Variants in SLC35D4 observed in about 807,000 individuals in gnomAD.
SLC35D4 encodes UDP-N-acetylglucosamine transporter SLC35D4.
the SLC35D4 span, chr18:23,399,565 C>G: frequency 5.0e-6 from 8 of 1,613,604 alleles, no homozygotes; most frequent in Non-Finnish European, 3.4e-6. Flanking sequence ...CTAATACTTA[C>G]CAGTCTGGAC....
At chr18:23,421,030 G>A in the SLC35D4 span, among the ~76,000 whole-genome samples, 1 of 151,856 alleles carries the variant, frequency 6.6e-6, no homozygotes, top group Non-Finnish European at 1.5e-5. Context: ...GATCACTTGA[G>A]GTCAGGAGTT....
the SLC35D4 span, among the ~76,000 whole-genome samples, chr18:23,265,644 C>A: frequency 2.6e-5 from 4 of 151,970 alleles, no homozygotes; most frequent in Non-Finnish European, 4.4e-5. Context: ...TCCCACCAGC[C>A]CAGACCCCTC....
the SLC35D4 span, among the ~76,000 whole-genome samples, chr18:23,254,735 C>G: frequency 1.3e-5 from 2 of 152,190 alleles, no homozygotes; most frequent in African/African-American, 4.8e-5. Context: ...AGACAAAAAG[C>G]AAGCACTCTG....
the SLC35D4 span, among the ~76,000 whole-genome samples, chr18:23,372,054 G>A: frequency 7.0e-6 from 1 of 142,536 alleles, no homozygotes; most frequent in East Asian, 2.0e-4. Context: ...TCCTGCCTCA[G>A]CCTCCCAAGT....
the SLC35D4 span, among the ~76,000 whole-genome samples, chr18:23,394,787 C>T: frequency 1.3e-5 from 2 of 151,816 alleles, no homozygotes; most frequent in African/African-American, 4.8e-5. Context: ...GCCTGACCAA[C>T]ATGGAGAAAT....
At chr18:23,363,863 T>C in the SLC35D4 span, among the ~76,000 whole-genome samples, 35 of 152,266 alleles carry the variant, frequency 2.3e-4, no homozygotes, top group East Asian at 6.7e-3. Flanking sequence ...CCACAAAGGA[T>C]AGACTTTCAG....
the SLC35D4 span, chr18:23,296,672 T>G: frequency 6.6e-6 from 1 of 152,224 alleles, no homozygotes; most frequent in East Asian, 1.9e-4. Context: ...TTCAATGATT[T>G]GAAATCTCTG....
chr18:23,384,932 G>GT, the SLC35D4 span: 1 of 1,505,956 alleles, frequency 6.6e-7, no homozygotes, highest in Non-Finnish European at 9.2e-7. Context: ...AAAAAGAAGA[G>GT]TACTTCTTTG....
chr18:23,305,452 C>A, the SLC35D4 span, among the ~76,000 whole-genome samples: 17 of 152,184 alleles, frequency 1.1e-4, no homozygotes, highest in African/African-American at 4.1e-4. Flanking sequence ...GGTCCAACTG[C>A]CTAGTAGCTA....
At chr18:23,298,366 T>A in the SLC35D4 span, among the ~76,000 whole-genome samples, 1 of 152,226 alleles carries the variant, frequency 6.6e-6, no homozygotes, top group Non-Finnish European at 1.5e-5. Flanking sequence ...GTTAGTGCTC[T>A]CTGGCAGAAA....
the SLC35D4 span, chr18:23,297,663 C>T: frequency 2.6e-3 from 686 of 260,614 alleles, 11 homozygotes; most frequent in South Asian, 0.017. Context: ...TCAGTCGAGG[C>T]GAGCAGAGCC....
the SLC35D4 span, among the ~76,000 whole-genome samples, chr18:23,318,834 T>C: frequency 1.3e-5 from 2 of 152,172 alleles, no homozygotes; most frequent in Non-Finnish European, 1.5e-5. Flanking sequence ...TAGTAATTCT[T>C]CAAATACTTC....
At chr18:23,433,762 G>T in the SLC35D4 span, among the ~76,000 whole-genome samples, 1 of 151,612 alleles carries the variant, frequency 6.6e-6, no homozygotes, top group East Asian at 1.9e-4. Context: ...TTCTTTCTAC[G>T]AATAAATAGG....
chr18:23,290,676 G>C, the SLC35D4 span, among the ~76,000 whole-genome samples: 2 of 151,130 alleles, frequency 1.3e-5, no homozygotes, highest in East Asian at 3.9e-4. Context: ...GCCCACGCTG[G>C]AGTGCAATGG....
the SLC35D4 span, among the ~76,000 whole-genome samples, chr18:23,375,102 G>C: frequency 6.7e-6 from 1 of 149,182 alleles, no homozygotes; most frequent in Admixed American, 6.7e-5. Flanking sequence ...GCAACAAAAC[G>C]AGACTCCATC....
chr18:23,398,274 AAAGTATTATCATTATGAACAT>A, the SLC35D4 span, among the ~76,000 whole-genome samples: 1 of 152,250 alleles, frequency 6.6e-6, no homozygotes, highest in Non-Finnish European at 1.5e-5. Flanking sequence ...GTATGAACAA[AAAGTATTATCATTATGAACAT>A]AACACCTTGT....
chr18:23,373,827 G>A, the SLC35D4 span: 23 of 1,566,516 alleles, frequency 1.5e-5, no homozygotes, highest in Admixed American at 9.2e-5. Flanking sequence ...CCCTAAGAGC[G>A]TGGAGGTGAA....
chr18:23,255,873 A>G, the SLC35D4 span, among the ~76,000 whole-genome samples: 2,609 of 152,150 alleles, frequency 0.017, 297 homozygotes, highest in Admixed American at 0.16. Flanking sequence ...GAATTAATGA[A>G]TCTTTTGATG....
At chr18:23,343,301 C>G in the SLC35D4 span, among the ~76,000 whole-genome samples, 1 of 151,682 alleles carries the variant, frequency 6.6e-6, no homozygotes, top group African/African-American at 2.4e-5. Flanking sequence ...TCTTGTCGCC[C>G]AGGCTAGAGT....
Sources: allele counts gnomAD v4.1 joint callset (sites outside exome capture counted in the v4.1 genomes callset), GRCh38; gene constraint gnomAD v4.1.1; transcripts MANE v1.5; gene names NCBI Gene and HGNC (gene_info 2026-07-23, HGNC 2026-07-21).